Variants in CLVS1 observed in about 807,000 individuals in gnomAD.
CLVS1 encodes the protein clavesin-1.
A neutral mutation model predicts 33.1 loss-of-function variants in CLVS1; 10 were observed. That is an observed-to-expected ratio of 0.30 (90% CI 0.19 to 0.51). The LOEUF (loss-of-function observed/expected upper bound fraction) is 0.51, where lower values mean the gene tolerates loss of function less well. CLVS1 is among the 20% of genes least tolerant of loss of function. The probability of loss-of-function intolerance (pLI) is 0.97; values close to 1 mark genes in which losing one functional copy is unlikely to be tolerated. For synonymous variants in CLVS1, 163 were observed against 166.1 expected, an observed-to-expected ratio of 0.98 and a Z score of 0.14; for missense variants, 343 against 433.4, an observed-to-expected ratio of 0.79 and a Z score of 1.85.
At chr8:60,990,865 C>A in the CLVS1 span, among the ~76,000 whole-genome samples, 13 of 152,132 alleles carry the variant, frequency 8.5e-5, no homozygotes, top group South Asian at 2.5e-3. Flanking sequence ...CCCACCACCA[C>A]GCTTGGCTAA....
At chr8:61,168,117 C>T (rs1023011174) in intron 2 of CLVS1, among the ~76,000 whole-genome samples, 54 of 152,278 alleles carry the variant, frequency 3.5e-4, no homozygotes, top group African/African-American at 1.2e-3. Flanking sequence ...ATCGGGACCC[C>T]TTTCCTGTAA....
intron 2 of CLVS1, among the ~76,000 whole-genome samples, chr8:61,327,568 G>T (rs1811429699): frequency 6.6e-6 from 1 of 152,296 alleles, no homozygotes; most frequent in African/African-American, 2.4e-5. Context: ...GGAGATTCAA[G>T]TTCAAATTTC....
At chr8:61,396,678 C>A (rs1401782719) in intron 3 of CLVS1, among the ~76,000 whole-genome samples, 1 of 152,146 alleles carries the variant, frequency 6.6e-6, no homozygotes, top group Non-Finnish European at 1.5e-5. Context: ...CACTAACAAT[C>A]ATTCTCCGTT....
chr8:61,454,285 G>T, intron 4 of CLVS1, 34 bp downstream of exon 4: 16 of 1,490,090 alleles, frequency 1.1e-5, no homozygotes, highest in Non-Finnish European at 1.4e-5. Context: ...TAAATTCCTG[G>T]TACAATTTTG....
intron 2 of CLVS1, among the ~76,000 whole-genome samples, chr8:61,356,284 G>C (rs550824538): frequency 5.6e-4 from 85 of 152,192 alleles, no homozygotes; most frequent in African/African-American, 1.9e-3. Flanking sequence ...TTGTAAATTT[G>C]TTTGAGTTCG....
At chr8:61,481,364 C>G (rs1446870711) in intron 5 of CLVS1, among the ~76,000 whole-genome samples, 1 of 151,510 alleles carries the variant, frequency 6.6e-6, no homozygotes, top group African/African-American at 2.4e-5. Flanking sequence ...TGGGGCTTGT[C>G]AGACAGTGGG....
At chr8:61,185,435 T>C (rs145882563) in intron 2 of CLVS1, among the ~76,000 whole-genome samples, 3 of 151,990 alleles carry the variant, frequency 2.0e-5, no homozygotes, top group Non-Finnish European at 2.9e-5. Context: ...ATTATAGGCA[T>C]GAACCACCAC....
At chr8:61,454,700 A>C (rs1267483505) in intron 4 of CLVS1, among the ~76,000 whole-genome samples, 1 of 152,240 alleles carries the variant, frequency 6.6e-6, no homozygotes, top group Non-Finnish European at 1.5e-5. Flanking sequence ...AAGCTGGAAA[A>C]GCATTCTTCT....
At chr8:60,987,562 T>A in the CLVS1 span, among the ~76,000 whole-genome samples, 6 of 152,122 alleles carry the variant, frequency 3.9e-5, no homozygotes, top group African/African-American at 1.4e-4. Context: ...CCTGCTGATT[T>A]AAAAAAATAA....
At chr8:61,226,647 C>T (rs189723073) in intron 2 of CLVS1, among the ~76,000 whole-genome samples, 3 of 152,262 alleles carry the variant, frequency 2.0e-5, no homozygotes, top group Admixed American at 2.0e-4. Context: ...AATAAAATTT[C>T]GAGTGAATGA....
chr8:61,104,904 C>T (rs186860415), intron 1 of CLVS1, among the ~76,000 whole-genome samples: 74 of 152,318 alleles, frequency 4.9e-4, no homozygotes, highest in African/African-American at 1.7e-3. Context: ...TCTCGGCTCA[C>T]TGCAACCTCC....
chr8:61,234,134 C>T (rs1459657034), intron 2 of CLVS1, among the ~76,000 whole-genome samples: 2 of 152,114 alleles, frequency 1.3e-5, no homozygotes, highest in Middle Eastern at 3.4e-3. Context: ...CTGGTAAATC[C>T]TGGAGGCCCA....
intron 3 of CLVS1, among the ~76,000 whole-genome samples, chr8:61,409,044 G>A (rs1325613491): frequency 6.6e-6 from 1 of 152,174 alleles, no homozygotes; most frequent in East Asian, 1.9e-4. Context: ...AAAAGAAAAA[G>A]AGACAGGGTA....
At chr8:61,230,952 C>T (rs988442964) in intron 2 of CLVS1, among the ~76,000 whole-genome samples, 3 of 152,114 alleles carry the variant, frequency 2.0e-5, no homozygotes, top group African/African-American at 7.2e-5. Flanking sequence ...TAAGAGAGTA[C>T]TAATCCTATT....
chr8:61,302,849 G>T (rs1322952220), intron 2 of CLVS1, among the ~76,000 whole-genome samples: 1 of 152,168 alleles, frequency 6.6e-6, no homozygotes, highest in South Asian at 2.1e-4. Context: ...GAAGGTGAAG[G>T]GGAGGCAGGC....
At chr8:61,036,939 GT>G in the CLVS1 span, among the ~76,000 whole-genome samples, 1 of 152,180 alleles carries the variant, frequency 6.6e-6, no homozygotes, top group Non-Finnish European at 1.5e-5. Flanking sequence ...TGGGTGAGAT[GT>G]GGGGTGACAT....
intron 3 of CLVS1, among the ~76,000 whole-genome samples, chr8:61,401,223 A>C (rs531549229): frequency 6.6e-6 from 1 of 151,496 alleles, no homozygotes; most frequent in Non-Finnish European, 1.5e-5. Context: ...ACTGAAAACA[A>C]ATAATTTTAC....
intron 1 of CLVS1, among the ~76,000 whole-genome samples, chr8:61,120,068 G>A (rs1322001073): frequency 5.5e-4 from 81 of 146,310 alleles, no homozygotes; most frequent in African/African-American, 1.9e-3. Flanking sequence ...GGCTTTGCTC[G>A]TTTCTTTTTA....
intron 2 of CLVS1, among the ~76,000 whole-genome samples, chr8:61,355,786 G>A (rs1563512950): frequency 6.6e-6 from 1 of 152,226 alleles, no homozygotes; most frequent in East Asian, 1.9e-4. Context: ...GTGTATATGT[G>A]CCACATTTTC....
Sources: gnomAD v4.1 joint callset for allele counts (sites outside exome capture counted in the v4.1 genomes callset) on GRCh38, gnomAD v4.1.1 for gene constraint, MANE v1.5 for transcripts, NCBI Gene and HGNC (gene_info 2026-07-23, HGNC 2026-07-21) for gene names.